The following FLG variants were observed in gnomAD, a reference collection of about 807,000 sequenced individuals.
FLG encodes epidermal filaggrin.
FLG carries 6 observed loss-of-function variants against 3.8 expected under a neutral mutation model. That is an observed-to-expected ratio of 1.60 (90% CI 0.87 to 3.15). The LOEUF (loss-of-function observed/expected upper bound fraction) is 3.15, where lower values mean the gene tolerates loss of function less well. FLG is among the 30% of genes most tolerant of loss of function. FLG has a pLI of 0.00. For synonymous variants in FLG, 2,551 were observed against 1,931.6 expected, an observed-to-expected ratio of 1.32 and a Z score of -8.41; for missense variants, 7,595 against 5,050.9, an observed-to-expected ratio of 1.50 and a Z score of -15.27.
rs766088521 is a variant in FLG, at chr1:152,314,020, G to C, written c.866C>G (p.Thr289Arg). The part of the protein sequence containing the change: ...TSQVPLQESR[T>R]RKRRGSRVSQ... ...AACTCTGGATCCCCTACGCTTTCTT[G>C]TCCTGGACTCCTGCAATGGTACCTG... The change falls in exon 3 of 3, where the codon ACA (threonine) becomes AGA (arginine). Residue 289 changes from threonine (T) to arginine (R), a missense_variant. Physicochemically the swap from Thr to Arg is moderately conservative, Grantham distance 71. Coordinates refer to ENST00000368799, the MANE Select transcript of FLG (RefSeq NM_002016.2). 8.1e-6 allele frequency: 13 copies of C among 1,614,002 alleles called. No individual in the cohort carries two copies. Among genetic ancestry groups the C allele is most frequent in the Non-Finnish European group, 1.1e-5 (13 of 1,180,022 alleles).
In FLG at chr1:152,304,890, G is replaced by C. The variant is rs139911222; in HGVS notation, c.9996C>G (p.His3332Gln). 207 of 1,613,752 alleles carry C rather than the reference G, an allele frequency of 1.3e-4. 2 individuals carry two copies. The highest frequency in any genetic ancestry group is 1.7e-4 in the Non-Finnish European group (198 of 1,179,982). ...QASSAVRDSRHWGSSGSQASD... is the reference protein window; with the variant it reads ...QASSAVRDSRQWGSSGSQASD... Reference sequence around the variant, plus strand: ...TGGCCTGACTACCACTGGACCCCCAGTGTCTACTGTCTCTGACTGCAGATG... The same window carrying C: ...TGGCCTGACTACCACTGGACCCCCACTGTCTACTGTCTCTGACTGCAGATG... Residue 3332 changes from histidine to glutamine, a missense_variant, in exon 3 of 3, where the codon CAC becomes CAG. His to Gln is a conservative substitution (Grantham distance 24). Transcript: ENST00000368799.
chr1:152,314,856 G>A, intron 2 of FLG, 109 bp from the exon 3 acceptor site: 2 of 1,434,740 alleles, frequency 1.4e-6, no homozygotes, highest in Non-Finnish European at 9.5e-7. Context: ...TTAAAAAGTG[G>A]GACAAAATCT....
chr1:152,316,081 G>A (rs1363164737), intron 1 of FLG, among the ~76,000 whole-genome samples: 8 of 152,108 alleles, frequency 5.3e-5, no homozygotes, highest in Non-Finnish European at 8.8e-5. Flanking sequence ...TTTAAGGAAT[G>A]TTCAGTTTAT....
rs1428056524 is a variant in FLG, at chr1:152,302,893, C to A, written c.11993G>T (p.Ser3998Ile). 1.9e-6 allele frequency: 3 copies of A among 1,614,182 alleles called. No homozygotes were observed. Among genetic ancestry groups the A allele is most frequent in the African/African-American group, 1.3e-5 (1 of 75,044 alleles). The change falls in exon 3 of 3, where the codon AGT becomes ATT. Residue 3998 changes from serine to isoleucine, a missense_variant. By Grantham distance (142) the Ser-to-Ile change is moderately radical. Transcript: ENST00000368799. ...ESGFRHSQHG[S>I]VSYNSNPVVF... The stretch of plus-strand genomic sequence containing the variant: ...AACAGGATTGGAATTGTAACTAACA[C>A]TTCCGTGCTGAGAGTGTCTAAACCC...
In FLG at chr1:152,311,844, A is replaced by G. The variant is rs775769770; in HGVS notation, c.3042T>C (p.Ser1014=). The stretch of plus-strand genomic sequence containing the variant: ...CATGGGATGACGCAGCCTGTCCACC[A>G]GAGGAAGTCTCTGCGTGAGGAGTTC... ...QSGTPHAETS[S]GGQAASSHEQ... The change falls in exon 3 of 3, where the codon TCT becomes TCC. Residue 1014 remains serine, a synonymous_variant. Transcript: ENST00000368799. 2 of 1,614,134 alleles carry G rather than the reference A, an allele frequency of 1.2e-6. No homozygotes were observed. Among genetic ancestry groups the G allele is most frequent in the East Asian group, 4.5e-5 (2 of 44,858 alleles).
chr1:152,316,606 T>C (rs1318685788), intron 1 of FLG, among the ~76,000 whole-genome samples: 1 of 152,090 alleles, frequency 6.6e-6, no homozygotes, highest in Non-Finnish European at 1.5e-5. Context: ...TATATGCTTC[T>C]TACAAATGCA....
rs1447168726 is a variant in FLG, at chr1:152,302,455, G to A, written c.*245C>T. The A allele has an allele frequency of 3.8e-6, 2 of 528,012 alleles. No individual in the cohort carries two copies. Among genetic ancestry groups the A allele is most frequent in the African/African-American group, 1.9e-5 (1 of 52,546 alleles). 32.7% of individuals were successfully genotyped at this position (528,012 alleles called of 1,614,324 possible). A position where few individuals can be genotyped will look rare whatever the true frequency, so the allele number is the denominator to read the frequency against. On this transcript the variant is annotated 3_prime_UTR_variant, in exon 3 of 3. Coordinates refer to ENST00000368799, the MANE Select transcript of FLG (RefSeq NM_002016.2). The stretch of plus-strand genomic sequence containing the variant: ...ACCCAGAATCTCCTAAAATACTCCA[G>A]CTAGTTTTCTAAAGTTAGCTCTCCA...
rs1651679043 is a variant in FLG at position 152,302,641 on chromosome 1, T to C, written c.*59A>G. The C allele has an allele frequency of 1.2e-5, 19 of 1,597,368 alleles. No homozygotes were observed. The highest frequency in any genetic ancestry group is 1.3e-5 in the Non-Finnish European group (15 of 1,171,904). On this transcript the variant is annotated 3_prime_UTR_variant, in exon 3 of 3. Transcript: ENST00000368799. ...CTGAAAGTATTATGAAGTTTCTTGATTGAAAGTGAACTTGCTTCATTCTTC... is the reference window on the plus strand; with the variant it reads ...CTGAAAGTATTATGAAGTTTCTTGACTGAAAGTGAACTTGCTTCATTCTTC...
At position 152,311,004 on chromosome 1, in the gene FLG, A is replaced by T. The variant is rs746999581; in HGVS notation, c.3882T>A (p.His1294Gln). ...TTGACTGCTCCCGAGAAGATCCATG[A>T]TGGTTTCTGGAAGCAGACCCAGACA... ...ERLSGSASRN[H>Q]HGSSREQSRD... The change falls in exon 3 of 3, where the codon CAT becomes CAA. Residue 1294 changes from histidine (H) to glutamine (Q), a missense_variant. Coordinates refer to ENST00000368799, the MANE Select transcript of FLG (RefSeq NM_002016.2). 20 of 1,613,422 alleles carry T rather than the reference A, an allele frequency of 1.2e-5. No homozygotes were observed. The highest frequency in any genetic ancestry group is 1.6e-5 in the Non-Finnish European group (19 of 1,179,862).
Position 152,315,637 on chromosome 1 carries a change from A to T in FLG, c.-21-160T>A, listed in dbSNP as rs552623308. Among the ~76,000 whole-genome samples, 10 of 152,330 alleles carry T rather than the reference A, an allele frequency of 6.6e-5. No individual in the cohort carries two copies. The South Asian group carries it at 2.1e-3, about 32-fold the overall frequency. On this transcript the variant is annotated intron_variant, in intron 1 of 2. Transcript: ENST00000368799. ...GAAACTTTTCTCTACCATCTACATA[A>T]AACAAATGAATAGAGTTTTCCTGAC...
Position 152,308,671 on chromosome 1 carries a change from T to C in FLG, c.6215A>G (p.His2072Arg), listed in dbSNP as rs759225149. Reference protein sequence around the residue: ...QGKAGPHQQSHKESARGQSGE... With the variant: ...QGKAGPHQQSRKESARGQSGE... ...TGACTGGCCACGTGCGGACTCTTTG[T>C]GGCTCTGCTGATGGGGCCCAGCTTT... Residue 2072 changes from histidine (H) to arginine (R), a missense_variant, in exon 3 of 3, where the codon CAC (histidine) becomes CGC (arginine). Coordinates refer to ENST00000368799, the MANE Select transcript of FLG (RefSeq NM_002016.2). The C allele has an allele frequency of 6.2e-7, 1 of 1,614,062 alleles. No homozygotes were observed. Among genetic ancestry groups the C allele is most frequent in the Non-Finnish European group, 8.5e-7 (1 of 1,180,032 alleles).
Position 152,308,973 on chromosome 1 carries a change from T to G in FLG, c.5913A>C (p.Ala1971=). The part of the protein sequence containing the change: ...HEDRAGHGHS[A]DSSRQSGTRH... ...GAGTGCCTGATTGTCTGGAGCTGTCTGCAGAGTGCCCGTGACCGGCTCTGT... is the reference window on the plus strand; with the variant it reads ...GAGTGCCTGATTGTCTGGAGCTGTCGGCAGAGTGCCCGTGACCGGCTCTGT... The change falls in exon 3 of 3, where the codon GCA becomes GCC. Residue 1971 remains alanine, a synonymous_variant. Coordinates refer to ENST00000368799, the MANE Select transcript of FLG (RefSeq NM_002016.2). The G allele has an allele frequency of 1.2e-6, 2 of 1,614,202 alleles. No homozygotes were observed. Among genetic ancestry groups the G allele is most frequent in the Non-Finnish European group, 8.5e-7 (1 of 1,180,020 alleles).
In FLG at chr1:152,303,304, G is replaced by A. The variant is rs762274526; in HGVS notation, c.11582C>T (p.Ser3861Phe). The change falls in exon 3 of 3, where the codon TCC (serine) becomes TTC (phenylalanine). Residue 3861 changes from serine to phenylalanine, a missense_variant. Ser to Phe is a radical substitution (Grantham distance 155, BLOSUM62 -2). Coordinates refer to ENST00000368799, the MANE Select transcript of FLG (RefSeq NM_002016.2). ...ACTGTCACTGTCCTGGCTAACACTGGATCCCTGGCGCCTGCTTCTCCTGGA... is the reference window on the plus strand; with the variant it reads ...ACTGTCACTGTCCTGGCTAACACTGAATCCCTGGCGCCTGCTTCTCCTGGA... ...AGSRRSRRQGSSVSQDSDSEA... is the reference protein window; with the variant it reads ...AGSRRSRRQGFSVSQDSDSEA... 9.9e-6 allele frequency: 16 copies of A among 1,613,966 alleles called. 1 individual carries two copies. In the South Asian group the frequency reaches 1.3e-4, roughly 13 times the overall value.
In FLG at chr1:152,304,822, A is replaced by C; in HGVS notation, c.10064T>G (p.Val3355Gly). 2 of 1,613,638 alleles carry C rather than the reference A, an allele frequency of 1.2e-6. No individual in the cohort carries two copies. Among genetic ancestry groups the C allele is most frequent in the African/African-American group, 2.7e-5 (2 of 74,880 alleles). The change falls in exon 3 of 3, where the codon GTG becomes GGG. Residue 3355 changes from valine to glycine, a missense_variant. Coordinates refer to ENST00000368799, the MANE Select transcript of FLG (RefSeq NM_002016.2). ...GHSEESDTQSVSGHGQAGPHQ... is the reference protein window; with the variant it reads ...GHSEESDTQSGSGHGQAGPHQ... Reference sequence around the variant, plus strand: ...GGGCCCAGCCTGTCCATGGCCTGACACTGACTGTGTGTCTGACTCTTCTGA... The same window carrying C: ...GGGCCCAGCCTGTCCATGGCCTGACCCTGACTGTGTGTCTGACTCTTCTGA...
chr1:152,322,169 C>T (rs1208966943), intron 1 of FLG, among the ~76,000 whole-genome samples: 1 of 150,972 alleles, frequency 6.6e-6, no homozygotes, highest in African/African-American at 2.4e-5. Context: ...AAGCTTTCAT[C>T]TCCAAGTTTG....
At position 152,313,486 on chromosome 1, in the gene FLG, G is replaced by C. The variant is rs200682035; in HGVS notation, c.1400C>G (p.Ser467Cys). 1.8e-4 allele frequency: 296 copies of C among 1,613,836 alleles called. 1 individual carries two copies. The highest frequency in any genetic ancestry group is 2.4e-4 in the Non-Finnish European group (282 of 1,179,992). ...RSGERSGRSGSSLYQVSTHEQ... is the reference protein window; with the variant it reads ...RSGERSGRSGCSLYQVSTHEQ... Reference sequence around the variant, plus strand: ...ATGAGTGCTCACCTGGTAGAGGGAAGACCCTGAACGTCCAGACCGTTCCCC... The same window carrying C: ...ATGAGTGCTCACCTGGTAGAGGGAACACCCTGAACGTCCAGACCGTTCCCC... The change falls in exon 3 of 3, where the codon TCT becomes TGT. Residue 467 changes from serine (S) to cysteine (C), a missense_variant. Transcript: ENST00000368799.
Position 152,304,721 on chromosome 1 carries a change from G to C in FLG, c.10165C>G (p.Gln3389Glu), listed in dbSNP as rs993519143. Residue 3389 changes from glutamine to glutamate, a missense_variant, in exon 3 of 3, where the codon CAG (glutamine) becomes GAG (glutamate). By Grantham distance (29) the Gln-to-Glu change is conservative. Coordinates refer to ENST00000368799, the MANE Select transcript of FLG (RefSeq NM_002016.2). ...RSGRSGSFLY[Q>E]VSTHEQSESA... ...TCAGACTGTTCATGAGTGCTCACCTGGTAGAGGAAAGACCCTGAACGTCCA... is the reference window on the plus strand; with the variant it reads ...TCAGACTGTTCATGAGTGCTCACCTCGTAGAGGAAAGACCCTGAACGTCCA... 2 of 1,613,426 alleles carry C rather than the reference G, an allele frequency of 1.2e-6. No homozygotes were observed. The highest frequency in any genetic ancestry group is 1.7e-6 in the Non-Finnish European group (2 of 1,179,868).
Position 152,314,249 on chromosome 1 carries a change from C to G in FLG, c.637G>C (p.Gly213Arg), listed in dbSNP as rs765667036. The G allele has an allele frequency of 3.5e-5, 56 of 1,613,280 alleles. 1 individual carries two copies. The South Asian group carries it at 6.0e-4, about 17-fold the overall frequency. The change falls in exon 3 of 3, where the codon GGA becomes CGA. Residue 213 changes from glycine (G) to arginine (R), a missense_variant. Transcript: ENST00000368799. ...CCTGTATTTTCATAATCATATACTC[C>G]TTCTTCATTGTCTTCTTTCTCTTCA... is the stretch of plus-strand genomic sequence containing the variant. Reference protein sequence around the residue: ...RLEEKEDNEEGVYDYENTGRM... With the variant: ...RLEEKEDNEERVYDYENTGRM...
rs1310384898 is a variant in FLG at position 152,312,901 on chromosome 1, G to T, written c.1985C>A (p.Ser662Tyr). ...QSRDGSRHPR[S>Y]HHEDRAGHGH... ...ATGACCAGCTCTGTCTTCGTGATGG[G>T]ACCTGGGGTGTCTGGAGCCATCTCT... is the stretch of plus-strand genomic sequence containing the variant. The change falls in exon 3 of 3, where the codon TCC becomes TAC. Residue 662 changes from serine (S) to tyrosine (Y), a missense_variant. Coordinates refer to ENST00000368799, the MANE Select transcript of FLG (RefSeq NM_002016.2). 1.2e-6 allele frequency: 2 copies of T among 1,614,046 alleles called. No individual in the cohort carries two copies. The highest frequency in any genetic ancestry group is 2.2e-5 in the East Asian group (1 of 44,866).
Sources: gnomAD v4.1 joint callset for allele counts (sites outside exome capture counted in the v4.1 genomes callset) on GRCh38, gnomAD v4.1.1 for gene constraint, MANE v1.5 for transcripts, NCBI Gene and HGNC (gene_info 2026-07-23, HGNC 2026-07-21) for gene names.